Variants in ABHD2 observed in about 807,000 individuals in gnomAD.
ABHD2 encodes abhydrolase domain containing 2, acylglycerol lipase, also known as monoacylglycerol lipase ABHD2.
A neutral mutation model predicts 48.1 loss-of-function variants in ABHD2; 20 were observed. That is an observed-to-expected ratio of 0.42 (90% CI 0.29 to 0.60). The LOEUF is 0.60. ABHD2 is among the 20% of genes least tolerant of loss of function. The pLI, the probability that ABHD2 is intolerant of heterozygous loss-of-function variation, is 0.24. For synonymous variants in ABHD2, 209 were observed against 214.2 expected (o/e 0.98, Z 0.21); for missense variants, 405 against 550.9 (o/e 0.74, Z 2.65).
chr15:89,064,458 G>C, the ABHD2 span, among the ~76,000 whole-genome samples: 1 of 151,942 alleles, frequency 6.6e-6, no homozygotes, highest in African/African-American at 2.4e-5. Context: ...TCGATCTCCT[G>C]ACCTTGTGAT....
chr15:89,143,370 T>C (rs182709745), intron 3 of ABHD2, among the ~76,000 whole-genome samples: 1 of 152,344 alleles, frequency 6.6e-6, no homozygotes, highest in East Asian at 1.9e-4. Context: ...ACTAATTCAT[T>C]TTTTAAAAAA....
At chr15:89,080,619 G>A in the ABHD2 span, among the ~76,000 whole-genome samples, 7 of 152,076 alleles carry the variant, frequency 4.6e-5, no homozygotes. Flanking sequence ...AGCAGTTGGT[G>A]GAGGCTAACG....
chr15:89,145,363 T>A (rs2050473935), intron 3 of ABHD2, among the ~76,000 whole-genome samples: 2 of 152,230 alleles, frequency 1.3e-5, no homozygotes, highest in African/African-American at 4.8e-5. Flanking sequence ...TTAAGGAGAT[T>A]ACCTGTTTCT....
intron 1 of ABHD2, among the ~76,000 whole-genome samples, chr15:89,113,031 C>A (rs2049899900): frequency 6.6e-6 from 1 of 152,158 alleles, no homozygotes; most frequent in South Asian, 2.1e-4. Flanking sequence ...GGGCTGTTTC[C>A]CCCATGTTCT....
At chr15:89,162,697 C>T (rs150454890) in intron 5 of ABHD2, among the ~76,000 whole-genome samples, 1 of 152,146 alleles carries the variant, frequency 6.6e-6, no homozygotes, top group Admixed American at 6.5e-5. Context: ...AAGCTCCCCC[C>T]CAACCCCAGT....
At chr15:89,087,350 C>G (rs1901393847), upstream of ABHD2, 1 of 152,408 alleles carries the variant, frequency 6.6e-6, no homozygotes, top group African/African-American at 2.4e-5. This position sits in a 1 kb window ranked among gnomAD's most constrained non-coding sequence, Gnocchi z 5.5. Context: ...CCCCTGCTCC[C>G]TCTCTCCGAG....
intron 1 of ABHD2, among the ~76,000 whole-genome samples, chr15:89,110,554 CT>C (rs1485423028): frequency 1.5e-4 from 22 of 151,724 alleles, no homozygotes; most frequent in Admixed American, 1.3e-3. Context: ...ACATAAATTT[CT>C]TTTCTCCCTG....
the ABHD2 span, among the ~76,000 whole-genome samples, chr15:89,056,847 G>T: frequency 6.6e-6 from 1 of 150,790 alleles, no homozygotes; most frequent in Non-Finnish European, 1.5e-5. Context: ...AGGCAGTCAG[G>T]AAATATAGTC....
rs560199749 is a variant in ABHD2 at position 89,103,637 on chromosome 15, G to C, written c.-106-10088G>C. Among the ~76,000 whole-genome samples, 43 of 152,262 alleles carry C rather than the reference G, an allele frequency of 2.8e-4. No individual in the cohort carries two copies. In the South Asian group the frequency reaches 8.1e-3, roughly 29 times the overall value. On this transcript the variant is annotated intron_variant, in intron 1 of 10. Transcript: ENST00000352732. Reference sequence around the variant, plus strand: ...AGCACAGAATGTTCAGGGGGGTAAGGGTTGGAATAACTCCAGATGGCACTG... The same window carrying C: ...AGCACAGAATGTTCAGGGGGGTAAGCGTTGGAATAACTCCAGATGGCACTG...
At chr15:89,056,907 C>CTT in the ABHD2 span, among the ~76,000 whole-genome samples, 4 of 119,098 alleles carry the variant, frequency 3.4e-5, 1 homozygote, top group Admixed American at 9.2e-5. Flanking sequence ...ATAAGTGATA[C>CTT]CTTTTTTTTT....
At chr15:89,079,481 GGCAAAATAAACCTCTACA>G in the ABHD2 span, among the ~76,000 whole-genome samples, 1 of 142,320 alleles carries the variant, frequency 7.0e-6, no homozygotes, top group African/African-American at 3.1e-5. The surrounding 1 kb of genome is among the most constrained non-coding windows in gnomAD (Gnocchi z 4.3). Context: ...ACCTCTACAT[GGCAAAATAAACCTCTACA>G]TGGCAAAATA....
At chr15:89,109,695 A>G (rs1050216544) in intron 1 of ABHD2, among the ~76,000 whole-genome samples, 5 of 152,222 alleles carry the variant, frequency 3.3e-5, no homozygotes, top group Admixed American at 1.3e-4. Flanking sequence ...ACTTGGGGAA[A>G]AAAGAATACC....
chr15:89,056,735 A>T, the ABHD2 span, among the ~76,000 whole-genome samples: 1 of 152,182 alleles, frequency 6.6e-6, no homozygotes, highest in African/African-American at 2.4e-5. Flanking sequence ...AGCACTACTT[A>T]TTACAACATG....
chr15:89,140,486 T>A lies in ABHD2; in HGVS notation c.195-11191T>A, dbSNP rs145080637. Among the ~76,000 whole-genome samples the A allele has an allele frequency of 1.6e-3, 244 of 152,318 alleles. 1 individual carries two copies. Among genetic ancestry groups the A allele is most frequent in the Non-Finnish European group, 2.7e-3 (185 of 68,024 alleles). ...CTTTTTTTTTAACGTTACAATATAG[T>A]TAGCTATTATCTTGATATGCTTTCT... is the stretch of plus-strand genomic sequence containing the variant. On this transcript the variant is annotated intron_variant, in intron 3 of 10. Transcript: ENST00000352732.
chr15:89,100,511 G>A lies in ABHD2; in HGVS notation c.-107+11948G>A, dbSNP rs2049684662. On this transcript the variant is annotated intron_variant, in intron 1 of 10. Transcript: ENST00000352732. This position sits in a 1 kb window ranked among gnomAD's most constrained non-coding sequence, Gnocchi z 4.4. ...ACCCCACCACCAATGTACATCTACA[G>A]AAAGCATCTCAATGAAGCAGAAATC... 1.3e-5 allele frequency among the ~76,000 whole-genome samples: 2 copies of A among 152,132 alleles called. No homozygotes were observed. Among genetic ancestry groups the A allele is most frequent in the Admixed American group, 6.5e-5 (1 of 15,272 alleles).
intron 5 of ABHD2, among the ~76,000 whole-genome samples, chr15:89,172,284 C>T (rs7167192): frequency 0.41 from 62,066 of 152,046 alleles, 13,493 homozygotes; most frequent in East Asian, 0.82. Flanking sequence ...CATTAAACAA[C>T]AACTCCCTAG....
At chr15:89,049,831 T>C in the ABHD2 span, among the ~76,000 whole-genome samples, 1 of 152,186 alleles carries the variant, frequency 6.6e-6, no homozygotes, top group Non-Finnish European at 1.5e-5. Flanking sequence ...CAGATGGAAA[T>C]GCAGAAATCA....
chr15:89,068,462 C>A, the ABHD2 span, among the ~76,000 whole-genome samples: 1 of 152,106 alleles, frequency 6.6e-6, no homozygotes, highest in Non-Finnish European at 1.5e-5. Flanking sequence ...CATCCGGAGG[C>A]GTCTTCACCC....
At chr15:89,134,057 C>T (rs915153062) in intron 3 of ABHD2, among the ~76,000 whole-genome samples, 2 of 152,094 alleles carry the variant, frequency 1.3e-5, no homozygotes, top group African/African-American at 4.8e-5. Context: ...CCAGGATGGC[C>T]TCGATCTCCT....
Sources: allele counts gnomAD v4.1 joint callset (sites outside exome capture counted in the v4.1 genomes callset), GRCh38; gene constraint gnomAD v4.1.1; non-coding constraint Gnocchi (gnomAD v3.1); transcripts MANE v1.5; gene names NCBI Gene and HGNC (gene_info 2026-07-23, HGNC 2026-07-21).